The following SEMA3B variants were observed in gnomAD, a reference collection of about 807,000 sequenced individuals.
SEMA3B encodes semaphorin 3B.
Under a neutral mutation model 77.8 loss-of-function variants are expected in SEMA3B, and 71 were observed. The ratio of observed to expected loss-of-function variants is 0.91; its 90% CI spans 0.75 to 1.11. The LOEUF is 1.11. Among genes scored for constraint, SEMA3B ranks in the 50% most tolerant of loss-of-function variants. The pLI is 0.00. For synonymous variants in SEMA3B, 470 were observed against 452.9 expected, an observed-to-expected ratio of 1.04 and a Z score of -0.48; for missense variants, 968 against 1,056.8, an observed-to-expected ratio of 0.92 and a Z score of 1.17.
In SEMA3B at chr3:50,276,533, C is replaced by T. The variant is rs1477614742; in HGVS notation, c.2077C>T (p.Leu693=). 1 of 1,535,300 alleles carries T rather than the reference C, an allele frequency of 6.5e-7. No individual in the cohort carries two copies. Among genetic ancestry groups the T allele is most frequent in the Non-Finnish European group, 8.7e-7 (1 of 1,145,622 alleles). ...CCCCAAACTCTGGTACCGGGACTTT[C>T]TGCAGCTGGTGGAGCCGGGCGGAGG... ...PGPKLWYRDF[L]QLVEPGGGGS... Residue 693 remains leucine, a synonymous_variant, in exon 17 of 17, where the codon CTG becomes TTG. Transcript: ENST00000616701. The surrounding 1 kb of genome is among the most constrained non-coding windows in gnomAD (Gnocchi z 5.8).
chr3:50,262,744 T>C (rs1553704110), upstream of SEMA3B, among the ~76,000 whole-genome samples: 1 of 152,246 alleles, frequency 6.6e-6, no homozygotes, highest in Non-Finnish European at 1.5e-5. Flanking sequence ...CACTGCCTTC[T>C]GCTTTCTGAC....
Position 50,276,014 on chromosome 3 carries a change from G to C in SEMA3B, c.1845+170G>C. On this transcript the variant is annotated intron_variant, in intron 16 of 16. Coordinates refer to ENST00000616701, the MANE Select transcript of SEMA3B (RefSeq NM_001290060.2). The surrounding 1 kb of genome is among the most constrained non-coding windows in gnomAD (Gnocchi z 5.8). ...TGCTGAGGCCCCATTGCGTCCAACG[G>C]GGCTCCCGACCCGCCTCCCCTGAAT... is the stretch of plus-strand genomic sequence containing the variant. 1 of 1,002,474 alleles carries C rather than the reference G, an allele frequency of 1.0e-6. No homozygotes were observed. Among genetic ancestry groups the C allele is most frequent in the Non-Finnish European group, 1.4e-6 (1 of 709,072 alleles). The allele number at this position is 1,002,474 out of a possible 1,614,324, so 62.1% of individuals were successfully genotyped here.
rs1553705104 is a variant in SEMA3B at position 50,270,201 on chromosome 3, G to A, written c.184G>A (p.Glu62Lys). Residue 62 changes from glutamate to lysine, a missense_variant, in exon 2 of 17, where the codon GAG becomes AAG. Coordinates refer to ENST00000616701, the MANE Select transcript of SEMA3B (RefSeq NM_001290060.2). This position sits in a 1 kb window ranked among gnomAD's most constrained non-coding sequence, Gnocchi z 4.7. ...TCCYQALLVD[E>K]ERGRLFVGAE... is the part of the protein sequence containing the mutation. ...CTGCTACCAGGCCTTGCTGGTGGAT[G>A]AGGAGCGTGGACGCCTGTTTGTGGG... 1 of 1,606,256 alleles carries A rather than the reference G, an allele frequency of 6.2e-7. No homozygotes were observed. The highest frequency in any genetic ancestry group is 8.5e-7 in the Non-Finnish European group (1 of 1,177,004).
chr3:50,260,963 C>A, the SEMA3B span: 1 of 152,468 alleles, frequency 6.6e-6, no homozygotes, highest in South Asian at 2.1e-4. Flanking sequence ...GTCAATTCAG[C>A]CTTGTGTTTG....
At position 50,275,079 on chromosome 3, in the gene SEMA3B, G is replaced by A; in HGVS notation, c.1491+26G>A. The stretch of plus-strand genomic sequence containing the variant: ...GTGAGTGACCAGGATGGGGGTCGGG[G>A]TGGGATGGACTGAGCTTGTGCCTGG... On this transcript the variant is annotated intron_variant, in intron 13 of 16. Transcript: ENST00000616701. This position sits in a 1 kb window ranked among gnomAD's most constrained non-coding sequence, Gnocchi z 7.5. The A allele has an allele frequency of 6.4e-7, 1 of 1,564,962 alleles. No individual in the cohort carries two copies. Among genetic ancestry groups the A allele is most frequent in the Non-Finnish European group, 8.7e-7 (1 of 1,151,664 alleles).
In SEMA3B at chr3:50,275,622, G is replaced by T. The variant is rs1701210517; in HGVS notation, c.1705+7G>T. 10 of 1,613,654 alleles carry T rather than the reference G, an allele frequency of 6.2e-6. No individual in the cohort carries two copies. The highest frequency in any genetic ancestry group is 8.5e-6 in the Non-Finnish European group (10 of 1,179,838). Reference sequence around the variant, plus strand: ...AGCACGTTGTGCTCCGGAGGTGAGTGCCCCAGCTGCCCCTACCCTCAGCCC... The same window carrying T: ...AGCACGTTGTGCTCCGGAGGTGAGTTCCCCAGCTGCCCCTACCCTCAGCCC... On this transcript the variant is annotated splice_region_variant and intron_variant, in intron 15 of 16. Coordinates refer to ENST00000616701, the MANE Select transcript of SEMA3B (RefSeq NM_001290060.2). The surrounding 1 kb of genome is among the most constrained non-coding windows in gnomAD (Gnocchi z 7.5).
At position 50,270,406 on chromosome 3, in the gene SEMA3B, G is replaced by T; in HGVS notation, c.268-27G>T. The T allele has an allele frequency of 1.9e-6, 3 of 1,613,732 alleles. No homozygotes were observed. Among genetic ancestry groups the T allele is most frequent in the Non-Finnish European group, 2.5e-6 (3 of 1,179,804 alleles). ...AGAATATCCCAAGTTCCTGACCTGT[G>T]TCCCCTCTCCCCCAACCTCCCGATA... On this transcript the variant is annotated intron_variant, in intron 2 of 16. Coordinates refer to ENST00000616701, the MANE Select transcript of SEMA3B (RefSeq NM_001290060.2). The surrounding 1 kb of genome is among the most constrained non-coding windows in gnomAD (Gnocchi z 4.7).
At chr3:50,265,744 G>C (rs1700884653), upstream of SEMA3B, among the ~76,000 whole-genome samples, 1 of 152,196 alleles carries the variant, frequency 6.6e-6, no homozygotes, top group Non-Finnish European at 1.5e-5. Context: ...CCAGCCCCCA[G>C]TGTGACCCAC....
At position 50,274,813 on chromosome 3, in the gene SEMA3B, A is replaced by G; in HGVS notation, c.1358-30A>G. 6.2e-7 allele frequency: 1 copy of G among 1,605,260 alleles called. No homozygotes were observed. Among genetic ancestry groups the G allele is most frequent in the East Asian group, 2.2e-5 (1 of 44,718 alleles). ...CTAGCCCCAGCTGTCCGGGAGCACC[A>G]ATGGTCATTACCCCTTCTCATCCCT... is the stretch of plus-strand genomic sequence containing the variant. On this transcript the variant is annotated intron_variant, in intron 11 of 16. Transcript: ENST00000616701. This position sits in a 1 kb window ranked among gnomAD's most constrained non-coding sequence, Gnocchi z 4.7.
At position 50,271,421 on chromosome 3, in the gene SEMA3B, G is replaced by T; in HGVS notation, c.605G>T (p.Arg202Leu). ...DLMGRDFTIF[R>L]SLGQRPSLRT... ...ATGGGACGAGACTTTACCATCTTTC[G>T]CAGCCTAGGGCAACGTCCAAGTCTC... The change falls in exon 6 of 17, where the codon CGC becomes CTC. Residue 202 changes from arginine (R) to leucine (L), a missense_variant. By Grantham distance (102) the Arg-to-Leu change is moderately radical. Transcript: ENST00000616701. 6.3e-7 allele frequency: 1 copy of T among 1,588,578 alleles called. No homozygotes were observed. Among genetic ancestry groups the T allele is most frequent in the Non-Finnish European group, 8.6e-7 (1 of 1,167,596 alleles).
intron 6 of SEMA3B, 125 bp downstream of exon 6, chr3:50,271,605 A>G (rs1701056724): frequency 3.7e-6 from 5 of 1,359,624 alleles, no homozygotes; most frequent in East Asian, 5.1e-5. Context: ...CTCCTTAATC[A>G]GGCACTGGCG....
At position 50,276,313 on chromosome 3, in the gene SEMA3B, GGAGCGCACC is replaced by G. The variant is rs782238077; in HGVS notation, c.1868_1876del (p.Glu623_Thr625del). The G allele has an allele frequency of 1.4e-5, 21 of 1,519,760 alleles. No individual in the cohort carries two copies. Among genetic ancestry groups the G allele is most frequent in the East Asian group, 2.5e-5 (1 of 40,200 alleles). The allele number at this position is 1,519,760 out of a possible 1,614,324, so 94.1% of individuals were successfully genotyped here. On this transcript the variant is annotated inframe_deletion, in exon 17 of 17. Coordinates refer to ENST00000616701, the MANE Select transcript of SEMA3B (RefSeq NM_001290060.2). This position sits in a 1 kb window ranked among gnomAD's most constrained non-coding sequence, Gnocchi z 5.8. ...CCCTCTGCCCGCAGGTGCTGGCAGAGGAGCGCACCGAGCGCACCGCCCGGGGACTACTGC... is the reference window on the plus strand; with the variant it reads ...CCCTCTGCCCGCAGGTGCTGGCAGAGGAGCGCACCGCCCGGGGACTACTGC...
chr3:50,261,979 A>G, the SEMA3B span: 1 of 152,310 alleles, frequency 6.6e-6, no homozygotes, highest in South Asian at 2.1e-4. Flanking sequence ...ACTGACCCCA[A>G]TCTCTGTGTC....
In SEMA3B at chr3:50,273,305, G is replaced by A. The variant is rs782688614; in HGVS notation, c.672G>A (p.Lys224=). 5 of 1,613,576 alleles carry A rather than the reference G, an allele frequency of 3.1e-6. No homozygotes were observed. Among genetic ancestry groups the A allele is most frequent in the African/African-American group, 2.7e-5 (2 of 74,924 alleles). The change falls in exon 7 of 17, where the codon AAG becomes AAA. Residue 224 remains lysine, a synonymous_variant. Coordinates refer to ENST00000616701, the MANE Select transcript of SEMA3B (RefSeq NM_001290060.2). The surrounding 1 kb of genome is among the most constrained non-coding windows in gnomAD (Gnocchi z 6.5). ...PHDSRWLNEP[K]FVKVFWIPES... The stretch of plus-strand genomic sequence containing the variant: ...GCCTCCTGCCGCGGTCAGAGCCCAA[G>A]TTTGTCAAGGTATTTTGGATCCCGG...
chr3:50,266,744 G>A (rs1324688301), upstream of SEMA3B: 1 of 152,216 alleles, frequency 6.6e-6, no homozygotes, highest in African/African-American at 2.4e-5. Flanking sequence ...TACAAATGGG[G>A]CACGTTCACC....
Position 50,276,005 on chromosome 3 carries a change from C to A in SEMA3B, c.1845+161C>A. The A allele has an allele frequency of 1.9e-6, 2 of 1,040,802 alleles. No homozygotes were observed. Among genetic ancestry groups the A allele is most frequent in the Non-Finnish European group, 2.7e-6 (2 of 743,514 alleles). 64.5% of individuals were successfully genotyped at this position (1,040,802 alleles called of 1,614,324 possible). On this transcript the variant is annotated intron_variant, in intron 16 of 16. Coordinates refer to ENST00000616701, the MANE Select transcript of SEMA3B (RefSeq NM_001290060.2). This position sits in a 1 kb window ranked among gnomAD's most constrained non-coding sequence, Gnocchi z 5.8. ...TCCACAAGCTGCTGAGGCCCCATTG[C>A]GTCCAACGGGGCTCCCGACCCGCCT...
In SEMA3B at chr3:50,273,465, C is replaced by A. The variant is rs782539752; in HGVS notation, c.810+22C>A. On this transcript the variant is annotated intron_variant, in intron 7 of 16. Coordinates refer to ENST00000616701, the MANE Select transcript of SEMA3B (RefSeq NM_001290060.2). This position sits in a 1 kb window ranked among gnomAD's most constrained non-coding sequence, Gnocchi z 6.5. ...CCGGGTGAGGAGTCCCTGGGCCACA[C>A]CCGGCGACCCTGCCCCTACCCCTTT... 1.2e-5 allele frequency: 19 copies of A among 1,611,386 alleles called. No individual in the cohort carries two copies. Among genetic ancestry groups the A allele is most frequent in the Admixed American group, 1.7e-5 (1 of 59,898 alleles).
rs782571844 is a variant in SEMA3B at position 50,270,156 on chromosome 3, T to C, written c.139T>C (p.Phe47Leu). Reference protein sequence around the residue: ...ELQAWHGLQTFSLERTCCYQA... With the variant: ...ELQAWHGLQTLSLERTCCYQA... The stretch of plus-strand genomic sequence containing the variant: ...CCAGGCCTGGCATGGTCTCCAGACT[T>C]TCAGCCTGGAGCGAACCTGCTGCTA... The change falls in exon 2 of 17, where the codon TTC becomes CTC. Residue 47 changes from phenylalanine (F) to leucine (L), a missense_variant. Transcript: ENST00000616701. The surrounding 1 kb of genome is among the most constrained non-coding windows in gnomAD (Gnocchi z 4.7). 1 of 1,568,142 alleles carries C rather than the reference T, an allele frequency of 6.4e-7. No individual in the cohort carries two copies. The highest frequency in any genetic ancestry group is 1.2e-5 in the South Asian group (1 of 85,458).
upstream of SEMA3B, among the ~76,000 whole-genome samples, chr3:50,266,469 A>T (rs1241936906): frequency 6.6e-6 from 1 of 152,140 alleles, no homozygotes; most frequent in Non-Finnish European, 1.5e-5. Flanking sequence ...GCATAGCCCC[A>T]CTTCCACTTC....
Sources: gnomAD v4.1 joint callset for allele counts (sites outside exome capture counted in the v4.1 genomes callset) on GRCh38, gnomAD v4.1.1 for gene constraint, Gnocchi (gnomAD v3.1) non-coding constraint, MANE v1.5 for transcripts, NCBI Gene and HGNC (gene_info 2026-07-23, HGNC 2026-07-21) for gene names.